Variants in NAV1 observed in about 807,000 individuals in gnomAD.
NAV1 encodes the protein neuron navigator 1.
NAV1 carries 18 observed loss-of-function variants against 175.2 expected under a neutral mutation model. The ratio of observed to expected loss-of-function variants is 0.10; its 90% CI spans 0.07 to 0.15. The LOEUF is 0.15. NAV1 is among the 10% of genes least tolerant of loss of function. NAV1 has a pLI of 1.00. For synonymous variants in NAV1, 897 were observed against 978.7 expected (o/e 0.92, Z 1.56); for missense variants, 1,731 against 2,436.6 (o/e 0.71, Z 6.10).
At position 201,785,591 on chromosome 1, in the gene NAV1, G is replaced by C. The variant is rs139665672; in HGVS notation, c.2846+240G>C. ...CAGGGGAGAAACAAGTTTGCACATG[G>C]GAATCATGCACTTACCTGTACTAGC... On this transcript the variant is annotated intron_variant, in intron 8 of 29. Coordinates refer to ENST00000367296, the Ensembl canonical transcript of NAV1. 2.1e-4 allele frequency among the ~76,000 whole-genome samples: 32 copies of C among 152,066 alleles called. No individual in the cohort carries two copies. In the East Asian group the frequency reaches 5.0e-3, roughly 24 times the overall value.
At chr1:201,623,154 G>A (rs1338266488) in exon 1 of NAV1, 1 of 985,900 alleles carries the variant, frequency 1.0e-6, no homozygotes, top group Non-Finnish European at 1.2e-6. Context: ...AGTCAGCTGA[G>A]GATGGGGAAG....
intron 3 of NAV1, among the ~76,000 whole-genome samples, chr1:201,770,380 G>T (rs967286798): frequency 6.6e-6 from 1 of 152,150 alleles, no homozygotes; most frequent in Non-Finnish European, 1.5e-5. Flanking sequence ...ACAAGAGGAG[G>T]AATCAGTTGC....
intron 2 of NAV1, among the ~76,000 whole-genome samples, chr1:201,607,914 G>GTGTT (rs997989277): frequency 4.0e-5 from 6 of 148,428 alleles, no homozygotes; most frequent in African/African-American, 1.2e-4. Context: ...GTGTGTGTGT[G>GTGTT]TTATGAACAG....
At chr1:201,814,365 G>A (rs1212475480) in intron 28 of NAV1, among the ~76,000 whole-genome samples, 1 of 96,916 alleles carries the variant, frequency 1.0e-5, no homozygotes, top group Non-Finnish European at 2.6e-5. Flanking sequence ...GTGAGAACCT[G>A]TCTCAAAAAA....
chr1:201,820,766 A>G (rs1172780689), exon 30 of NAV1: 2 of 151,268 alleles, frequency 1.3e-5, no homozygotes, highest in Non-Finnish European at 3.0e-5. Flanking sequence ...TTTGGTTTTT[A>G]TTTTGTTTTC....
chr1:201,789,730 TC>T lies in NAV1; in HGVS notation c.3167-9del, dbSNP rs753443272. ...CACTGTTAACTCTTTGTGTTCTCCT[TC>T]TCTTTCAGTTCACGGCTCAGTGCTG... On this transcript the variant is annotated splice_polypyrimidine_tract_variant and intron_variant, in intron 10 of 29. Transcript: ENST00000367296. The T allele has an allele frequency of 2.5e-6, 4 of 1,614,020 alleles. No homozygotes were observed. The East Asian group carries it at 8.9e-5, about 36-fold the overall frequency.
At chr1:201,580,808 C>T (rs997631770) in intron 1 of NAV1, among the ~76,000 whole-genome samples, 1 of 151,956 alleles carries the variant, frequency 6.6e-6, no homozygotes. Flanking sequence ...ATTCTGGAGG[C>T]TTAAAGGAGG....
chr1:201,721,301 G>A (rs961213875), intron 3 of NAV1, among the ~76,000 whole-genome samples: 1 of 152,196 alleles, frequency 6.6e-6, no homozygotes, highest in Non-Finnish European at 1.5e-5. Context: ...CCCTTAACAC[G>A]AGTTTGTTAA....
chr1:201,776,776 C>A (rs1246558724), intron 3 of NAV1, among the ~76,000 whole-genome samples: 1 of 151,072 alleles, frequency 6.6e-6, no homozygotes, highest in African/African-American at 2.4e-5. Context: ...AAGAGAAAAT[C>A]ATCAAAAAAT....
chr1:201,754,840 T>C (rs1674354378), intron 3 of NAV1, among the ~76,000 whole-genome samples: 1 of 152,236 alleles, frequency 6.6e-6, no homozygotes, highest in Non-Finnish European at 1.5e-5. Flanking sequence ...AATAGGGAAA[T>C]AATGCGTTTC....
intron 2 of NAV1, among the ~76,000 whole-genome samples, chr1:201,609,323 C>T (rs2102249743): frequency 6.6e-6 from 1 of 152,380 alleles, no homozygotes; most frequent in South Asian, 2.1e-4. Context: ...ACAGGTTTGA[C>T]TCTAGGTCCA....
intron 8 of NAV1, among the ~76,000 whole-genome samples, chr1:201,785,753 C>G (rs1349032637): frequency 2.0e-5 from 3 of 149,824 alleles, no homozygotes; most frequent in Non-Finnish European, 4.4e-5. Flanking sequence ...GTTCTGACAG[C>G]ACTGAGTTGT....
In NAV1 at chr1:201,603,968, A is replaced by G. The variant is rs934212495; in HGVS notation, c.-33+15319A>G. On this transcript the variant is annotated intron_variant, in intron 2 of 33. Transcript: ENST00000685211. ...AACAAAAATAACCGTGTGATTGAGC[A>G]CTTCCTGAGCTCCCACTCTGTGCCT... Among the ~76,000 whole-genome samples, 4 of 152,322 alleles carry G rather than the reference A, an allele frequency of 2.6e-5. No homozygotes were observed. The East Asian group carries it at 7.7e-4, about 29-fold the overall frequency.
chr1:201,803,464 A>G, intron 15 of NAV1, 129 bp from the exon 20 acceptor site: 2 of 954,088 alleles, frequency 2.1e-6, no homozygotes, highest in South Asian at 1.8e-5. Flanking sequence ...AATGATCCAA[A>G]AAAATGAATA....
At chr1:201,802,598 G>C (rs985895137) in intron 15 of NAV1, among the ~76,000 whole-genome samples, 1 of 151,696 alleles carries the variant, frequency 6.6e-6, no homozygotes, top group African/African-American at 2.4e-5. Context: ...GGTCAACATG[G>C]TGAAACCCCG....
upstream of NAV1, among the ~76,000 whole-genome samples, chr1:201,647,571 C>A (rs1669014974): frequency 6.6e-6 from 1 of 152,142 alleles, no homozygotes; most frequent in Non-Finnish European, 1.5e-5. Context: ...AAGAGTTACT[C>A]CTTCCCCTAC....
At chr1:201,765,680 CCACCA>C (rs1434443400) in intron 3 of NAV1, among the ~76,000 whole-genome samples, 1 of 152,174 alleles carries the variant, frequency 6.6e-6, no homozygotes, top group African/African-American at 2.4e-5. Context: ...CAGGCATAAG[CCACCA>C]CACCCGGCCC....
At chr1:201,791,065 A>G (rs1260780599) in intron 13 of NAV1, 2 of 345,494 alleles carry the variant, frequency 5.8e-6, no homozygotes, top group Non-Finnish European at 1.1e-5. Flanking sequence ...GTGGTTCTGC[A>G]TGGAGGCAGA....
At chr1:201,741,931 C>T (rs911714723) in intron 3 of NAV1, among the ~76,000 whole-genome samples, 2 of 152,150 alleles carry the variant, frequency 1.3e-5, no homozygotes, top group Non-Finnish European at 2.9e-5. Flanking sequence ...TGTGCCAGGG[C>T]GGGTACCTGT....
Sources: gnomAD v4.1 joint callset for allele counts (sites outside exome capture counted in the v4.1 genomes callset) on GRCh38, gnomAD v4.1.1 for gene constraint, MANE v1.5 for transcripts, NCBI Gene and HGNC (gene_info 2026-07-23, HGNC 2026-07-21) for gene names.